The following USP5 variants were observed in gnomAD, a reference collection of about 807,000 sequenced individuals.
The protein encoded by USP5 is ubiquitin specific peptidase 5.
A neutral mutation model predicts 102.5 loss-of-function variants in USP5; 24 were observed. That is an observed-to-expected ratio of 0.23 (90% CI 0.17 to 0.33). The LOEUF is 0.33. Ranked by LOEUF, USP5 falls within the 10% of genes least tolerant of loss-of-function variation. USP5 has a pLI of 1.00. For missense variants in USP5, 753 were observed against 1,122.1 expected (o/e 0.67, Z 4.70); for synonymous variants, 460 against 434.8 (o/e 1.06, Z -0.72).
chr12:6,856,222 A>G lies in USP5; in HGVS notation c.438+72A>G, dbSNP rs1239431142. On this transcript the variant is annotated intron_variant, in intron 4 of 19. Coordinates refer to ENST00000229268, the MANE Select transcript of USP5 (RefSeq NM_001098536.2). The surrounding 1 kb of genome is among the most constrained non-coding windows in gnomAD (Gnocchi z 5.6). ...CAGGGTAGTGGTGTCTTAGGCAAGC[A>G]CTGACAAAGCTGAAGGCCAAGGGGA... 2 of 1,607,610 alleles carry G rather than the reference A, an allele frequency of 1.2e-6. No homozygotes were observed. The highest frequency in any genetic ancestry group is 2.7e-5 in the African/African-American group (2 of 74,874).
At chr12:6,862,083 T>C (rs782184595) in intron 13 of USP5, among the ~76,000 whole-genome samples, 4 of 122,640 alleles carry the variant, frequency 3.3e-5, no homozygotes, top group Middle Eastern at 3.8e-3. Flanking sequence ...TCTGTGTGGG[T>C]TTTTTTTTTT....
rs11832410 is a variant in USP5 at position 6,858,836 on chromosome 12, T to C, written c.1058+219T>C. 2.7e-4 allele frequency: 119 copies of C among 448,170 alleles called. No homozygotes were observed. The highest frequency in any genetic ancestry group is 2.2e-3 in the African/African-American group (111 of 51,584). 27.8% of individuals were successfully genotyped at this position (448,170 alleles called of 1,614,324 possible). On this transcript the variant is annotated intron_variant, in intron 8 of 19. Transcript: ENST00000229268. The surrounding 1 kb of genome is among the most constrained non-coding windows in gnomAD (Gnocchi z 4.2). The stretch of plus-strand genomic sequence containing the variant: ...GAGGTTGAGACCAGCCTGGGCAACA[T>C]AGCGAGACCCTGTCTTCTCTTAAAA...
chr12:6,865,027 G>T, intron 18 of USP5, 137 bp from the exon 19 acceptor site: 1 of 1,309,684 alleles, frequency 7.6e-7, no homozygotes. Context: ...CTGACATGGA[G>T]ACAGGCTCTG....
At position 6,856,932 on chromosome 12, in the gene USP5, T is replaced by A. The variant is rs1591606081; in HGVS notation, c.769+41T>A. On this transcript the variant is annotated intron_variant, in intron 6 of 19. Transcript: ENST00000229268. This position sits in a 1 kb window ranked among gnomAD's most constrained non-coding sequence, Gnocchi z 5.6. ...CTCCAGCCACTCTCATGCTTAAATA[T>A]ATTTCATTTGTTAGTAATTTCGTGT... 6.3e-7 allele frequency: 1 copy of A among 1,595,166 alleles called. No individual in the cohort carries two copies. The highest frequency in any genetic ancestry group is 2.2e-5 in the East Asian group (1 of 44,500).
At position 6,856,005 on chromosome 12, in the gene USP5, C is replaced by G. The variant is rs1944099853; in HGVS notation, c.305-12C>G. 3 of 1,614,040 alleles carry G rather than the reference C, an allele frequency of 1.9e-6. No individual in the cohort carries two copies. Among genetic ancestry groups the G allele is most frequent in the Admixed American group, 1.7e-5 (1 of 59,990 alleles). ...ATTGCTCTACTCTCCCTCTTCTTCC[C>G]TATCCTTCCAGGTGTTGAAGGCGGA... is the stretch of plus-strand genomic sequence containing the variant. On this transcript the variant is annotated splice_polypyrimidine_tract_variant and intron_variant, in intron 3 of 19. Transcript: ENST00000229268. The surrounding 1 kb of genome is among the most constrained non-coding windows in gnomAD (Gnocchi z 5.6).
chr12:6,866,268 G>A lies in USP5; in HGVS notation c.*191G>A, dbSNP rs1944442335. On this transcript the variant is annotated 3_prime_UTR_variant, in exon 20 of 20. Transcript: ENST00000229268. The surrounding 1 kb of genome is among the most constrained non-coding windows in gnomAD (Gnocchi z 4.7). ...AGGGGCAGCGATAGACTCTGGGGAT[G>A]GAGCAGGACGGGGACGGGAGGGGCC... 1 of 590,866 alleles carries A rather than the reference G, an allele frequency of 1.7e-6. No homozygotes were observed. Among genetic ancestry groups the A allele is most frequent in the African/African-American group, 1.9e-5 (1 of 53,862 alleles). The allele number at this position is 590,866 out of a possible 1,614,324, so 36.6% of individuals were successfully genotyped here. A position where few individuals can be genotyped will look rare whatever the true frequency, so the allele number is the denominator to read the frequency against.
Position 6,856,465 on chromosome 12 carries a change from C to T in USP5, c.584+15C>T, listed in dbSNP as rs782732817. Reference sequence around the variant, plus strand: ...ATCCCTCCCTGGTGAGGCCTGGCCCCTCTGCCTCGGGCACCACCCCCAGAG... The same window carrying T: ...ATCCCTCCCTGGTGAGGCCTGGCCCTTCTGCCTCGGGCACCACCCCCAGAG... On this transcript the variant is annotated intron_variant, in intron 5 of 19. Coordinates refer to ENST00000229268, the MANE Select transcript of USP5 (RefSeq NM_001098536.2). The surrounding 1 kb of genome is among the most constrained non-coding windows in gnomAD (Gnocchi z 5.6). The T allele has an allele frequency of 2.5e-6, 4 of 1,595,792 alleles. No individual in the cohort carries two copies. Among genetic ancestry groups the T allele is most frequent in the Non-Finnish European group, 3.4e-6 (4 of 1,170,292 alleles).
In USP5 at chr12:6,855,505, C is replaced by T; in HGVS notation, c.216C>T (p.His72=). The change falls in exon 2 of 20, where the codon CAC becomes CAT. Residue 72 remains histidine (H), a synonymous_variant. Coordinates refer to ENST00000229268, the MANE Select transcript of USP5 (RefSeq NM_001098536.2). This position sits in a 1 kb window ranked among gnomAD's most constrained non-coding sequence, Gnocchi z 4.6. The part of the protein sequence containing the change: ...FNKTGQRVYL[H]LRRTRRPKEE... ...AGACCGGCCAGCGAGTCTACTTGCA[C>T]CTCCGGCGGACCCGGCGCCCGGTAG... The T allele has an allele frequency of 1.2e-6, 2 of 1,614,178 alleles. No individual in the cohort carries two copies. Among genetic ancestry groups the T allele is most frequent in the Non-Finnish European group, 1.7e-6 (2 of 1,180,036 alleles).
At position 6,866,350 on chromosome 12, in the gene USP5, C is replaced by T. The variant is rs1555130932; in HGVS notation, c.*273C>T. Reference sequence around the variant, plus strand: ...TCCCCTGCCCCCGGAATCCACAGTGCTCTGCTTCTCTGTGTCGCCCCGCCC... The same window carrying T: ...TCCCCTGCCCCCGGAATCCACAGTGTTCTGCTTCTCTGTGTCGCCCCGCCC... On this transcript the variant is annotated 3_prime_UTR_variant, in exon 20 of 20. Transcript: ENST00000229268. This position sits in a 1 kb window ranked among gnomAD's most constrained non-coding sequence, Gnocchi z 4.7. 2.2e-6 allele frequency: 1 copy of T among 446,644 alleles called. No homozygotes were observed. The highest frequency in any genetic ancestry group is 4.1e-6 in the Non-Finnish European group (1 of 242,516). 27.7% of individuals were successfully genotyped at this position (446,644 alleles called of 1,614,324 possible).
chr12:6,858,386 A>T lies in USP5; in HGVS notation c.865-38A>T, dbSNP rs782147180. ...GATCGAGGTAAAAACTACAGGGTTG[A>T]GTTTCTCACTCAGTCTGAAGTGCCC... is the stretch of plus-strand genomic sequence containing the variant. On this transcript the variant is annotated intron_variant, in intron 7 of 19. Transcript: ENST00000229268. The surrounding 1 kb of genome is among the most constrained non-coding windows in gnomAD (Gnocchi z 4.2). The T allele has an allele frequency of 2.5e-6, 4 of 1,581,940 alleles. No individual in the cohort carries two copies. Among genetic ancestry groups the T allele is most frequent in the Non-Finnish European group, 3.5e-6 (4 of 1,153,382 alleles).
rs1224789732 is a variant in USP5, at chr12:6,859,665, G to GT, written c.1130+130dup. The GT allele has an allele frequency of 8.0e-6, 8 of 996,834 alleles. No homozygotes were observed. The Admixed American group carries it at 9.9e-5, about 12-fold the overall frequency. 61.7% of individuals were successfully genotyped at this position (996,834 alleles called of 1,614,324 possible). A position where few individuals can be genotyped will look rare whatever the true frequency, so the allele number is the denominator to read the frequency against. On this transcript the variant is annotated intron_variant, in intron 9 of 19. Coordinates refer to ENST00000229268, the MANE Select transcript of USP5 (RefSeq NM_001098536.2). The stretch of plus-strand genomic sequence containing the variant: ...GCCTTTTTTTGTTTTGTTTTGTTTT[G>GT]TTTTTTGAGACGGAGTCTTGTTCTG...
At chr12:6,857,536 G>A in intron 6 of USP5, 93 bp from the exon 7 acceptor site, 2 of 1,050,866 alleles carry the variant, frequency 1.9e-6, no homozygotes, top group Non-Finnish European at 2.9e-6. Context: ...CTCTCCTTCT[G>A]TCCCCTCAAG....
chr12:6,863,443 C>A lies in USP5; in HGVS notation c.1954+66C>A. 6.5e-7 allele frequency: 1 copy of A among 1,527,342 alleles called. No homozygotes were observed. The highest frequency in any genetic ancestry group is 2.3e-5 in the East Asian group (1 of 44,230). The allele number at this position is 1,527,342 out of a possible 1,614,324, so 94.6% of individuals were successfully genotyped here. Reference sequence around the variant, plus strand: ...ATGGGGGCCTCTCTGCCTTGCATCCCCTGCCCCTGTCCTTTGTGTTTCTCC... The same window carrying A: ...ATGGGGGCCTCTCTGCCTTGCATCCACTGCCCCTGTCCTTTGTGTTTCTCC... On this transcript the variant is annotated intron_variant, in intron 15 of 19. Coordinates refer to ENST00000229268, the MANE Select transcript of USP5 (RefSeq NM_001098536.2). The surrounding 1 kb of genome is among the most constrained non-coding windows in gnomAD (Gnocchi z 4.7).
Position 6,866,372 on chromosome 12 carries a change from GC to G in USP5, c.*298del. 7.7e-6 allele frequency: 3 copies of G among 391,526 alleles called. No homozygotes were observed. Among genetic ancestry groups the G allele is most frequent in the Middle Eastern group, 7.1e-4 (1 of 1,412 alleles). 24.3% of individuals were successfully genotyped at this position (391,526 alleles called of 1,614,324 possible). ...GTGCTCTGCTTCTCTGTGTCGCCCC[GC>G]CCAGCCCCCTGGTGTGGAGGGAGGG... On this transcript the variant is annotated 3_prime_UTR_variant, in exon 20 of 20. Transcript: ENST00000229268. This position sits in a 1 kb window ranked among gnomAD's most constrained non-coding sequence, Gnocchi z 4.7.
At position 6,861,584 on chromosome 12, in the gene USP5, G is replaced by A; in HGVS notation, c.1640G>A (p.Ser547Asn). The change falls in exon 13 of 20, where the codon AGC becomes AAC. Residue 547 changes from serine to asparagine, a missense_variant. By Grantham distance (46) the Ser-to-Asn change is conservative (BLOSUM62 1). Transcript: ENST00000229268. This position sits in a 1 kb window ranked among gnomAD's most constrained non-coding sequence, Gnocchi z 4.9. ...GAPEQVDDFW[S>N]TALQAKSVAV... ...CCTGAGCAGGTCGATGACTTCTGGA[G>A]CACGGCCCTGCAGGCCAAGTCAGTA... The A allele has an allele frequency of 6.3e-7, 1 of 1,586,136 alleles. No individual in the cohort carries two copies. Among genetic ancestry groups the A allele is most frequent in the South Asian group, 1.1e-5 (1 of 89,850 alleles).
Position 6,866,158 on chromosome 12 carries a change from C to T in USP5, c.*81C>T, listed in dbSNP as rs1944439335. On this transcript the variant is annotated 3_prime_UTR_variant, in exon 20 of 20. Coordinates refer to ENST00000229268, the MANE Select transcript of USP5 (RefSeq NM_001098536.2). The surrounding 1 kb of genome is among the most constrained non-coding windows in gnomAD (Gnocchi z 4.7). ...AGAGGGGCTGAGGGATGGACTTCAG[C>T]CCCTCTGCTCTGTACCCTTTTTCCT... The T allele has an allele frequency of 7.8e-7, 1 of 1,286,680 alleles. No individual in the cohort carries two copies. Among genetic ancestry groups the T allele is most frequent in the Non-Finnish European group, 1.1e-6 (1 of 894,104 alleles). The allele number at this position is 1,286,680 out of a possible 1,614,324, so 79.7% of individuals were successfully genotyped here.
chr12:6,862,366 G>A, intron 13 of USP5, 104 bp from the exon 14 acceptor site: 1 of 997,352 alleles, frequency 1.0e-6, no homozygotes, highest in Non-Finnish European at 1.6e-6. Context: ...GATCTTCTGG[G>A]TTATTGGGAC....
Position 6,860,846 on chromosome 12 carries a change from G to T in USP5, c.1345-107G>T, listed in dbSNP as rs534531204. On this transcript the variant is annotated intron_variant, in intron 11 of 19. Coordinates refer to ENST00000229268, the MANE Select transcript of USP5 (RefSeq NM_001098536.2). The surrounding 1 kb of genome is among the most constrained non-coding windows in gnomAD (Gnocchi z 5.5). ...TTCTGCTCTGCTCTTGTGTCCCTGA[G>T]TTCCGAGTGGTAGTCTGCCTTCTCT... 14 of 1,491,832 alleles carry T rather than the reference G, an allele frequency of 9.4e-6. No individual in the cohort carries two copies. In the South Asian group the frequency reaches 1.5e-4, roughly 16 times the overall value. 92.4% of individuals were successfully genotyped at this position (1,491,832 alleles called of 1,614,324 possible). A position where few individuals can be genotyped will look rare whatever the true frequency, so the allele number is the denominator to read the frequency against.
chr12:6,854,765 T>A (rs782383432), intron 1 of USP5, among the ~76,000 whole-genome samples: 1,811 of 137,500 alleles, frequency 0.013, 44 homozygotes, highest in African/African-American at 0.048. Flanking sequence ...TAAAATAAAA[T>A]TTTTTTTTTT....
Sources: allele counts gnomAD v4.1 joint callset (sites outside exome capture counted in the v4.1 genomes callset), GRCh38; gene constraint gnomAD v4.1.1; non-coding constraint Gnocchi (gnomAD v3.1); transcripts MANE v1.5; gene names NCBI Gene and HGNC (gene_info 2026-07-23, HGNC 2026-07-21).